USP3: variants seen among roughly 807,000 people sequenced by gnomAD.
USP3 encodes ubiquitin carboxyl-terminal hydrolase 3.
Under a neutral mutation model 72.3 loss-of-function variants are expected in USP3, and 20 were observed. The ratio of observed to expected loss-of-function variants is 0.28; its 90% CI spans 0.19 to 0.40. The LOEUF is 0.40. USP3 is among the 10% of genes least tolerant of loss of function. The probability of loss-of-function intolerance (pLI) is 1.00; values close to 1 mark genes in which losing one functional copy is unlikely to be tolerated. For missense variants in USP3, 479 were observed against 633.9 expected (o/e 0.76, Z 2.62); for synonymous variants, 222 against 225.3 (o/e 0.99, Z 0.13).
At chr15:63,565,008 T>G (rs1391368987) in intron 8 of USP3, among the ~76,000 whole-genome samples, 1 of 152,232 alleles carries the variant, frequency 6.6e-6, no homozygotes, top group African/African-American at 2.4e-5. Context: ...CATGCCTGTG[T>G]GTAAGTGCAT....
At chr15:63,532,922 A>G (rs1469821631) in intron 2 of USP3, among the ~76,000 whole-genome samples, 1 of 152,200 alleles carries the variant, frequency 6.6e-6, no homozygotes, top group Non-Finnish European at 1.5e-5. Context: ...TGATACTCAG[A>G]AGAATTAGTT....
Position 63,526,512 on chromosome 15 carries a change from AC to A in USP3, c.92-6134del, listed in dbSNP as rs1217602663. 3.9e-5 allele frequency among the ~76,000 whole-genome samples: 6 copies of A among 152,346 alleles called. No homozygotes were observed. In the East Asian group the frequency reaches 1.2e-3, roughly 29 times the overall value. On this transcript the variant is annotated intron_variant, in intron 1 of 14. Coordinates refer to ENST00000380324, the MANE Select transcript of USP3 (RefSeq NM_006537.4). ...AAATGAAAATGAACTTGCTTAAAAAACATATCCTAGATGTTTCCTTATGGGT... is the reference window on the plus strand; with the variant it reads ...AAATGAAAATGAACTTGCTTAAAAAAATATCCTAGATGTTTCCTTATGGGT...
At chr15:63,563,331 AT>A (rs1282562721) in intron 8 of USP3, among the ~76,000 whole-genome samples, 1 of 152,260 alleles carries the variant, frequency 6.6e-6, no homozygotes, top group Non-Finnish European at 1.5e-5. Flanking sequence ...ATGTAGAATA[AT>A]TACCATCACA....
chr15:63,553,935 C>A lies in USP3; in HGVS notation c.368+137C>A. On this transcript the variant is annotated intron_variant, in intron 4 of 14. Coordinates refer to ENST00000380324, the MANE Select transcript of USP3 (RefSeq NM_006537.4). The surrounding 1 kb of genome is among the most constrained non-coding windows in gnomAD (Gnocchi z 4.2). Reference sequence around the variant, plus strand: ...ATGATTGAAATGTTAATAAAATAAACCTTGGCTTTGGATAGCTAAAACTTG... The same window carrying A: ...ATGATTGAAATGTTAATAAAATAAAACTTGGCTTTGGATAGCTAAAACTTG... 1.5e-6 allele frequency: 1 copy of A among 661,840 alleles called. No homozygotes were observed. The highest frequency in any genetic ancestry group is 2.4e-6 in the Non-Finnish European group (1 of 421,570). The allele number at this position is 661,840 out of a possible 1,614,324, so 41.0% of individuals were successfully genotyped here.
intron 1 of USP3, among the ~76,000 whole-genome samples, chr15:63,518,958 G>C (rs2065884887): frequency 6.6e-6 from 1 of 152,058 alleles, no homozygotes; most frequent in Non-Finnish European, 1.5e-5. Context: ...GTAGATATGG[G>C]GTTTCACCGT....
chr15:63,591,093 G>T lies in USP3; in HGVS notation c.*267G>T. The T allele has an allele frequency of 3.0e-6, 1 of 333,924 alleles. No individual in the cohort carries two copies. The highest frequency in any genetic ancestry group is 5.4e-6 in the Non-Finnish European group (1 of 185,168). The allele number at this position is 333,924 out of a possible 1,614,324, so 20.7% of individuals were successfully genotyped here. A position where few individuals can be genotyped will look rare whatever the true frequency, so the allele number is the denominator to read the frequency against. On this transcript the variant is annotated 3_prime_UTR_variant, in exon 15 of 15. Transcript: ENST00000380324. ...TAGTTGTAAGAACTTAGTCTTATTT[G>T]ACTTTTTTATTTTATGTTAATGTTT... is the stretch of plus-strand genomic sequence containing the variant.
intron 8 of USP3, among the ~76,000 whole-genome samples, chr15:63,564,275 A>G (rs2066653062): frequency 6.6e-6 from 1 of 152,204 alleles, no homozygotes; most frequent in African/African-American, 2.4e-5. Context: ...AGCAGGAAAT[A>G]TTGCCCCCAT....
chr15:63,510,179 T>C (rs115282947), intron 1 of USP3, among the ~76,000 whole-genome samples: 1,879 of 152,316 alleles, frequency 0.012, 34 homozygotes, highest in African/African-American at 0.043. Flanking sequence ...GAAATACTTA[T>C]GTTTTTATAG....
At chr15:63,589,043 G>C (rs764938624) in intron 14 of USP3, 32 bp downstream of exon 14, 1 of 1,611,930 alleles carries the variant, frequency 6.2e-7, no homozygotes, top group Non-Finnish European at 8.5e-7. Context: ...TGGTGGGTGG[G>C]AATACCTGGT....
At chr15:63,589,556 CAT>C (rs1192582379) in intron 14 of USP3, among the ~76,000 whole-genome samples, 4 of 152,190 alleles carry the variant, frequency 2.6e-5, no homozygotes, top group African/African-American at 9.7e-5. Context: ...TCTACACTCA[CAT>C]AGTGTTATGA....
chr15:63,556,534 C>T (rs1207831064), intron 4 of USP3, 133 bp from the exon 5 acceptor site: 15 of 573,750 alleles, frequency 2.6e-5, no homozygotes, highest in Non-Finnish European at 4.6e-5. Context: ...GTGTGGGCCC[C>T]AGTAGGCCTG....
chr15:63,549,069 C>T (rs2066398664), intron 3 of USP3, among the ~76,000 whole-genome samples: 1 of 152,222 alleles, frequency 6.6e-6, no homozygotes, highest in Non-Finnish European at 1.5e-5. Context: ...TTTGATTGTA[C>T]ATTTTTTTAA....
In USP3 at chr15:63,553,572, C is replaced by A; in HGVS notation, c.285-143C>A. On this transcript the variant is annotated intron_variant, in intron 3 of 14. Coordinates refer to ENST00000380324, the MANE Select transcript of USP3 (RefSeq NM_006537.4). This position sits in a 1 kb window ranked among gnomAD's most constrained non-coding sequence, Gnocchi z 4.2. The stretch of plus-strand genomic sequence containing the variant: ...CTTGAAAAACATTCCATTGTGAATT[C>A]CAGGTCCTCTTTAAACTTACCACCA... 2 of 558,942 alleles carry A rather than the reference C, an allele frequency of 3.6e-6. No individual in the cohort carries two copies. Among genetic ancestry groups the A allele is most frequent in the East Asian group, 3.4e-5 (1 of 29,198 alleles). The allele number at this position is 558,942 out of a possible 1,614,324, so 34.6% of individuals were successfully genotyped here. A position where few individuals can be genotyped will look rare whatever the true frequency, so the allele number is the denominator to read the frequency against.
intron 11 of USP3, chr15:63,587,925 CTT>C (rs569420655): frequency 1.3e-3 from 200 of 156,778 alleles, no homozygotes; most frequent in Admixed American, 2.1e-3. Context: ...CTAAATTTGA[CTT>C]TTTTTTATGA....
At chr15:63,508,943 G>A (rs146291546) in intron 1 of USP3, among the ~76,000 whole-genome samples, 118 of 130,896 alleles carry the variant, frequency 9.0e-4, no homozygotes, top group South Asian at 5.6e-3. Context: ...TAAATGTTCT[G>A]CAATTTTGCA....
chr15:63,590,718 C>T lies in USP3; in HGVS notation c.1455C>T (p.Phe485=), dbSNP rs1454114015. The change falls in exon 15 of 15, where the codon TTC becomes TTT. Residue 485 remains phenylalanine, a synonymous_variant. Transcript: ENST00000380324. Reference sequence around the variant, plus strand: ...CTCACGAAGGCCGCTGGTTCCACTTCAATGACAGTACTGTAACACTGACTG... The same window carrying T: ...CTCACGAAGGCCGCTGGTTCCACTTTAATGACAGTACTGTAACACTGACTG... ...YATHEGRWFH[F]NDSTVTLTDE... 1.2e-6 allele frequency: 2 copies of T among 1,613,980 alleles called. No individual in the cohort carries two copies. The highest frequency in any genetic ancestry group is 1.7e-6 in the Non-Finnish European group (2 of 1,179,922).
At chr15:63,560,011 A>G in intron 7 of USP3, 41 bp downstream of exon 7, 2 of 1,554,820 alleles carry the variant, frequency 1.3e-6, no homozygotes, top group African/African-American at 1.4e-5. Flanking sequence ...TTGAGTTACA[A>G]AACAAATTAC....
At chr15:63,564,079 G>C (rs897528521) in intron 8 of USP3, among the ~76,000 whole-genome samples, 2 of 152,148 alleles carry the variant, frequency 1.3e-5, no homozygotes, top group African/African-American at 4.8e-5. Context: ...CCACTGTCCA[G>C]GTCTGGACCT....
chr15:63,543,625 G>A (rs747420131), intron 3 of USP3, among the ~76,000 whole-genome samples: 3 of 152,064 alleles, frequency 2.0e-5, no homozygotes, highest in Non-Finnish European at 4.4e-5. Context: ...GGATTTATTC[G>A]TCCCATATAA....
Sources: allele counts gnomAD v4.1 joint callset (sites outside exome capture counted in the v4.1 genomes callset), GRCh38; gene constraint gnomAD v4.1.1; non-coding constraint Gnocchi (gnomAD v3.1); transcripts MANE v1.5; gene names NCBI Gene and HGNC (gene_info 2026-07-23, HGNC 2026-07-21).